Variants in CELSR2 observed in about 807,000 individuals in gnomAD.
CELSR2 encodes the protein EGF-like protein 2.
A neutral mutation model predicts 251.6 loss-of-function variants in CELSR2; 81 were observed. The ratio of observed to expected loss-of-function variants is 0.32; its 90% CI spans 0.27 to 0.39. CELSR2 has a LOEUF of 0.39. Among genes scored for constraint, CELSR2 ranks in the 10% least tolerant of loss-of-function variants. The pLI is 1.00. For missense variants in CELSR2, 3,365 were observed against 3,947.7 expected (o/e 0.85, Z 3.96); for synonymous variants, 1,721 against 1,670.5 (o/e 1.03, Z -0.74).
In CELSR2 at chr1:109,259,018, C is replaced by T. The variant is rs770501475; in HGVS notation, c.3897C>T (p.Pro1299=). ...TCTGCTACTCGCGGCCCTGTGGCCCCCACGGGCGCTGCCGCAGCCGCGAGG... is the reference window on the plus strand; with the variant it reads ...TCTGCTACTCGCGGCCCTGTGGCCCTCACGGGCGCTGCCGCAGCCGCGAGG... ...VDLCYSRPCG[P]HGRCRSREGG... Residue 1299 remains proline (P), a synonymous_variant, in exon 2 of 34, where the codon CCC becomes CCT. Coordinates refer to ENST00000271332, the MANE Select transcript of CELSR2 (RefSeq NM_001408.3). 1 of 1,602,058 alleles carries T rather than the reference C, an allele frequency of 6.2e-7. No homozygotes were observed.
intron 28 of CELSR2, 101 bp from the exon 29 acceptor site, chr1:109,272,177 G>A: frequency 7.0e-7 from 1 of 1,420,956 alleles, no homozygotes; most frequent in African/African-American, 1.4e-5. Flanking sequence ...CTGAGCATGT[G>A]GAAGGTGGAA....
chr1:109,253,189 G>A lies in CELSR2; in HGVS notation c.3110G>A (p.Arg1037His), dbSNP rs548806014. 3.5e-5 allele frequency: 57 copies of A among 1,613,592 alleles called. 1 individual carries two copies. Among genetic ancestry groups the A allele is most frequent in the East Asian group, 8.9e-5 (4 of 44,884 alleles). Residue 1037 changes from arginine to histidine, a missense_variant, in exon 1 of 34, where the codon CGC becomes CAC. Transcript: ENST00000271332. ...EILFNNYVTN[R>H]SSSFPGGAIG... ...CTTTTCAACAACTATGTCACCAATC[G>A]CTCAAGCAGCTTCCCTGGGGGTGCC...
At position 109,271,295 on chromosome 1, in the gene CELSR2, G is replaced by C. The variant is rs1275337319; in HGVS notation, c.7675G>C (p.Val2559Leu). The change falls in exon 26 of 34, where the codon GTC (valine) becomes CTC (leucine). Residue 2559 changes from valine to leucine, a missense_variant and splice_region_variant. Val to Leu is a conservative substitution (Grantham distance 32). Coordinates refer to ENST00000271332, the MANE Select transcript of CELSR2 (RefSeq NM_001408.3). ...QRQGFEKKGPVSGLQPSFAVL... is the reference protein window; with the variant it reads ...QRQGFEKKGPLSGLQPSFAVL... ...GCAGGGCTTTGAGAAGAAAGGTCCT[G>C]TGTGAGTATAGGGTTGGGGTGCCTG... The C allele has an allele frequency of 6.2e-7, 1 of 1,613,958 alleles. No individual in the cohort carries two copies. The highest frequency in any genetic ancestry group is 8.5e-7 in the Non-Finnish European group (1 of 1,180,010).
rs1489062305 is a variant in CELSR2 at position 109,274,100 on chromosome 1, A to G, written c.*51A>G. 7 of 1,612,570 alleles carry G rather than the reference A, an allele frequency of 4.3e-6. No individual in the cohort carries two copies. Among genetic ancestry groups the G allele is most frequent in the Non-Finnish European group, 5.9e-6 (7 of 1,179,746 alleles). The stretch of plus-strand genomic sequence containing the variant: ...AGGCTCCCTTCCCTTCCCCAGCCGC[A>G]CTCATGCCCTGCTCCTGTCTTGTGC... On this transcript the variant is annotated 3_prime_UTR_variant, in exon 34 of 34. Transcript: ENST00000271332.
chr1:109,264,651 C>T lies in CELSR2; in HGVS notation c.5464+23C>T, dbSNP rs765487152. 65 of 1,602,564 alleles carry T rather than the reference C, an allele frequency of 4.1e-5. No homozygotes were observed. In the East Asian group the frequency reaches 7.0e-4, roughly 17 times the overall value. On this transcript the variant is annotated intron_variant, in intron 11 of 33. Coordinates refer to ENST00000271332, the MANE Select transcript of CELSR2 (RefSeq NM_001408.3). ...CAGGTATGCTAAGGATCCAGGGCAA[C>T]GGGCAGGTTATCAGGTGCCTGGGGC... is the stretch of plus-strand genomic sequence containing the variant.
At chr1:109,266,935 A>C (rs1341172993) in intron 15 of CELSR2, among the ~76,000 whole-genome samples, 14 of 138,238 alleles carry the variant, frequency 1.0e-4, no homozygotes, top group East Asian at 6.6e-4. Context: ...GTTGGCCAGG[A>C]TGGTCTCGAT....
intron 17 of CELSR2, 106 bp downstream of exon 17, chr1:109,268,166 A>C (rs1656258089): frequency 1.4e-6 from 2 of 1,455,538 alleles, no homozygotes; most frequent in African/African-American, 1.4e-5. Flanking sequence ...TCCCACCTAC[A>C]AGGAGCTCCC....
Position 109,251,320 on chromosome 1 carries a change from C to T in CELSR2, c.1241C>T (p.Pro414Leu). 1 of 1,614,104 alleles carries T rather than the reference C, an allele frequency of 6.2e-7. No homozygotes were observed. The highest frequency in any genetic ancestry group is 8.5e-7 in the Non-Finnish European group (1 of 1,180,004). The change falls in exon 1 of 34, where the codon CCA becomes CTA. Residue 414 changes from proline (P) to leucine (L), a missense_variant. Physicochemically the swap from Pro to Leu is moderately conservative, Grantham distance 98 (BLOSUM62 -3). Around this residue, in one of 5 missense-constraint regions of CELSR2, gnomAD observed 704 missense variants for 784.1 expected, o/e 0.90. Transcript: ENST00000271332. The surrounding 1 kb of genome is among the most constrained non-coding windows in gnomAD (Gnocchi z 4.9). ...GTCCAGGTGAGGGAGGATGTGACTC[C>T]AGGGGCCCCAGTACTCCGAGTCACA... is the stretch of plus-strand genomic sequence containing the variant. ...YVVQVREDVTPGAPVLRVTAS... is the reference protein window; with the variant it reads ...YVVQVREDVTLGAPVLRVTAS...
Position 109,262,424 on chromosome 1 carries a change from C to T in CELSR2, c.4524C>T (p.Gly1508=). 6.2e-7 allele frequency: 1 copy of T among 1,614,032 alleles called. No individual in the cohort carries two copies. Among genetic ancestry groups the T allele is most frequent in the Non-Finnish European group, 8.5e-7 (1 of 1,180,018 alleles). The change falls in exon 6 of 34, where the codon GGC becomes GGT. Residue 1508 remains glycine (G), a synonymous_variant. Coordinates refer to ENST00000271332, the MANE Select transcript of CELSR2 (RefSeq NM_001408.3). ...VLGNYSCAAQ[G]TQGGSKKSLD... ...GCAACTACTCCTGTGCTGCCCAGGGCACCCAGGGTGGCAGCAAGAAGTGAG... is the reference window on the plus strand; with the variant it reads ...GCAACTACTCCTGTGCTGCCCAGGGTACCCAGGGTGGCAGCAAGAAGTGAG...
In CELSR2 at chr1:109,272,898, A is replaced by G. The variant is rs1382331772; in HGVS notation, c.8209A>G (p.Thr2737Ala). 1.2e-6 allele frequency: 2 copies of G among 1,613,654 alleles called. No individual in the cohort carries two copies. Among genetic ancestry groups the G allele is most frequent in the African/African-American group, 1.3e-5 (1 of 74,806 alleles). The change falls in exon 31 of 34, where the codon ACC becomes GCC. Residue 2737 changes from threonine to alanine, a missense_variant. Around this residue, in one of 5 missense-constraint regions of CELSR2, gnomAD observed 2,093 missense variants for 2,382.8 expected, o/e 0.88. Transcript: ENST00000271332. Reference sequence around the variant, plus strand: ...CGACCAGAGTGGCTCCTATGCCTCTACCCACTCATCAGACAGTGAGGAGGA... The same window carrying G: ...CGACCAGAGTGGCTCCTATGCCTCTGCCCACTCATCAGACAGTGAGGAGGA... ...EDDQSGSYASTHSSDSEEEEE... is the reference protein window; with the variant it reads ...EDDQSGSYASAHSSDSEEEEE...
Position 109,268,863 on chromosome 1 carries a change from A to G in CELSR2, c.6503-17A>G. 6.3e-7 allele frequency: 1 copy of G among 1,595,282 alleles called. No homozygotes were observed. The highest frequency in any genetic ancestry group is 8.6e-7 in the Non-Finnish European group (1 of 1,165,526). On this transcript the variant is annotated splice_polypyrimidine_tract_variant and intron_variant, in intron 18 of 33. Transcript: ENST00000271332. ...GCCTGCCTCACAGGTCCGATCTGTGACCATCCCCTTCCTTAGTCATCTCCG... is the reference window on the plus strand; with the variant it reads ...GCCTGCCTCACAGGTCCGATCTGTGGCCATCCCCTTCCTTAGTCATCTCCG...
chr1:109,268,682 CTA>C lies in CELSR2; in HGVS notation c.6422_6423del (p.Tyr2141Ter). 6.2e-7 allele frequency: 1 copy of C among 1,614,114 alleles called. No homozygotes were observed. ...GTGGCACCGCCTGGCTGCTCCAGCACTATGAGGCCTACGCCAGTGCCCTGGCC... is the reference window on the plus strand; with the variant it reads ...GTGGCACCGCCTGGCTGCTCCAGCACTGAGGCCTACGCCAGTGCCCTGGCC... ...EGGTAWLLQH[Y>X]EAYASALAQN... is the part of the protein sequence containing the mutation. On this transcript the variant is annotated frameshift_variant, in exon 18 of 34. Transcript: ENST00000271332. LOFTEE classifies it high-confidence loss of function.
At chr1:109,263,812 C>T (rs765788813) in intron 9 of CELSR2, 35 bp downstream of exon 9, 11 of 1,602,572 alleles carry the variant, frequency 6.9e-6, no homozygotes, top group Admixed American at 3.4e-5. Context: ...CCTGGCCTGG[C>T]CATAGGGCCC....
In CELSR2 at chr1:109,252,674, T is replaced by C; in HGVS notation, c.2595T>C (p.Ile865=). The C allele has an allele frequency of 6.2e-7, 1 of 1,613,936 alleles. No homozygotes were observed. The highest frequency in any genetic ancestry group is 8.5e-7 in the Non-Finnish European group (1 of 1,180,032). The change falls in exon 1 of 34, where the codon ATT becomes ATC. Residue 865 remains isoleucine, a synonymous_variant. Coordinates refer to ENST00000271332, the MANE Select transcript of CELSR2 (RefSeq NM_001408.3). The surrounding 1 kb of genome is among the most constrained non-coding windows in gnomAD (Gnocchi z 4.8). ...QGGDDGDGDF[I]VESTSGIVRT... Reference sequence around the variant, plus strand: ...GCGACGATGGAGACGGTGACTTTATTGTTGAGTCCACGTCAGGCATCGTGC... The same window carrying C: ...GCGACGATGGAGACGGTGACTTTATCGTTGAGTCCACGTCAGGCATCGTGC...
chr1:109,251,058 C>T lies in CELSR2; in HGVS notation c.979C>T (p.Arg327Cys), dbSNP rs1557725846. 14 of 1,613,486 alleles carry T rather than the reference C, an allele frequency of 8.7e-6. No individual in the cohort carries two copies. The highest frequency in any genetic ancestry group is 3.3e-4 in the Middle Eastern group (2 of 6,060). The stretch of plus-strand genomic sequence containing the variant: ...CCCTCCCAATGCCAATATTCTGTAC[C>T]GCCTGCTGGAGGGGTCTGGGGGCAG... ...DAPPNANILY[R>C]LLEGSGGSPS... Residue 327 changes from arginine to cysteine, a missense_variant, in exon 1 of 34, where the codon CGC becomes TGC. Physicochemically the swap from Arg to Cys is radical, Grantham distance 180. Around this residue, in one of 5 missense-constraint regions of CELSR2, gnomAD observed 704 missense variants for 784.1 expected, o/e 0.90. Transcript: ENST00000271332. This position sits in a 1 kb window ranked among gnomAD's most constrained non-coding sequence, Gnocchi z 4.9.
At chr1:109,263,928 GT>G in intron 9 of CELSR2, 149 bp from the exon 10 acceptor site, 1 of 1,385,396 alleles carries the variant, frequency 7.2e-7, no homozygotes. Context: ...GCTGCCACCT[GT>G]TGGGCCTGAG....
intron 33 of CELSR2, 39 bp from the exon 34 acceptor site, chr1:109,273,979 CTCTG>C (rs754514848): frequency 4.8e-5 from 78 of 1,610,960 alleles, no homozygotes; most frequent in Non-Finnish European, 6.1e-5. Flanking sequence ...TCAACTAACC[CTCTG>C]TCTGCCTTTT....
At position 109,251,209 on chromosome 1, in the gene CELSR2, G is replaced by A. The variant is rs1238210840; in HGVS notation, c.1130G>A (p.Gly377Asp). 1.9e-6 allele frequency: 3 copies of A among 1,613,816 alleles called. No homozygotes were observed. The highest frequency in any genetic ancestry group is 2.7e-5 in the African/African-American group (2 of 74,926). Reference sequence around the variant, plus strand: ...GCAAGTGACCAGGGTCGGGACCCGGGTCCTCGGAGTACCACAGCCGCTGTT... The same window carrying A: ...GCAAGTGACCAGGGTCGGGACCCGGATCCTCGGAGTACCACAGCCGCTGTT... ...VEASDQGRDP[G>D]PRSTTAAVFL... is the part of the protein sequence containing the mutation. The change falls in exon 1 of 34, where the codon GGT (glycine) becomes GAT (aspartate). Residue 377 changes from glycine (G) to aspartate (D), a missense_variant. Physicochemically the swap from Gly to Asp is moderately conservative, Grantham distance 94 (BLOSUM62 -1). Around this residue, in one of 5 missense-constraint regions of CELSR2, gnomAD observed 704 missense variants for 784.1 expected, o/e 0.90. Transcript: ENST00000271332. This position sits in a 1 kb window ranked among gnomAD's most constrained non-coding sequence, Gnocchi z 4.9.
At chr1:109,257,101 T>C (rs1250508597) in intron 1 of CELSR2, among the ~76,000 whole-genome samples, 1 of 152,182 alleles carries the variant, frequency 6.6e-6, no homozygotes, top group African/African-American at 2.4e-5. Context: ...ATGCCTGTAA[T>C]CCCAGTGCTC....
Sources: allele counts gnomAD v4.1 joint callset (sites outside exome capture counted in the v4.1 genomes callset), GRCh38; gene constraint gnomAD v4.1.1; regional missense constraint gnomAD v4.1.1; non-coding constraint Gnocchi (gnomAD v3.1); transcripts MANE v1.5; gene names NCBI Gene and HGNC (gene_info 2026-07-23, HGNC 2026-07-21).